Variants in IL31RA observed in about 807,000 individuals in gnomAD.
IL31RA encodes interleukin 31 receptor A, also known as interleukin-31 receptor subunit alpha.
Under a neutral mutation model 83.7 loss-of-function variants are expected in IL31RA, and 66 were observed. The observed-to-expected ratio is 0.79, with a 90% confidence interval of 0.65 to 0.97. The LOEUF is 0.97. Among genes scored for constraint, IL31RA ranks in the 50% least tolerant of loss-of-function variants. The pLI, the probability that IL31RA is intolerant of heterozygous loss-of-function variation, is 0.00. For synonymous variants in IL31RA, 325 were observed against 329.0 expected, an observed-to-expected ratio of 0.99 and a Z score of 0.13; for missense variants, 798 against 919.4, an observed-to-expected ratio of 0.87 and a Z score of 1.71.
chr5:55,908,842 C>T (rs1032926257), intron 11 of IL31RA: 40 of 1,358,754 alleles, frequency 2.9e-5, no homozygotes, highest in Non-Finnish European at 3.8e-5. Flanking sequence ...AAATACTGGG[C>T]AAGGCTTGGA....
At position 55,903,815 on chromosome 5, in the gene IL31RA, G is replaced by T. The variant is rs80125651; in HGVS notation, c.1070-2291G>T. On this transcript the variant is annotated intron_variant, in intron 8 of 14. Coordinates refer to ENST00000652347, the MANE Select transcript of IL31RA (RefSeq NM_139017.7). The surrounding 1 kb of genome is among the most constrained non-coding windows in gnomAD (Gnocchi z 4.7). Reference sequence around the variant, plus strand: ...GAGATGAAGGTGGGCTTTCAGGGCTGCCAAAACGAAGCACTGCAGACTGGG... The same window carrying T: ...GAGATGAAGGTGGGCTTTCAGGGCTTCCAAAACGAAGCACTGCAGACTGGG... Among the ~76,000 whole-genome samples, 7,719 of 152,286 alleles carry T rather than the reference G, an allele frequency of 0.051. 402 individuals are homozygous for T. The highest frequency in any genetic ancestry group is 0.13 in the African/African-American group (5,561 of 41,544).
chr5:55,922,415 T>G lies in IL31RA; in HGVS notation c.*5295T>G. On this transcript the variant is annotated 3_prime_UTR_variant, in exon 15 of 15. Transcript: ENST00000652347. ...TTTTAGGACTAGAATTCTGTCTTCC[T>G]GCCCAACTTCAATATAAGTGTGGAC... The G allele has an allele frequency of 6.4e-7, 1 of 1,550,914 alleles. No homozygotes were observed. The highest frequency in any genetic ancestry group is 8.7e-7 in the Non-Finnish European group (1 of 1,146,808).
chr5:55,898,189 G>A (rs1748547046), intron 7 of IL31RA, among the ~76,000 whole-genome samples: 1 of 152,110 alleles, frequency 6.6e-6, no homozygotes, highest in South Asian at 2.1e-4. Flanking sequence ...AACCTCACAC[G>A]CCCACATGTG....
At position 55,920,493 on chromosome 5, in the gene IL31RA, A is replaced by G. The variant is rs1292540365; in HGVS notation, c.*3373A>G. ...CGTAGTGTTGACAAAGTGTAATTGG[A>G]ACACAGCCATGCCCATCGTTGACCT... is the stretch of plus-strand genomic sequence containing the variant. On this transcript the variant is annotated 3_prime_UTR_variant, in exon 15 of 15. Transcript: ENST00000652347. Among the ~76,000 whole-genome samples, 1 of 152,266 alleles carries G rather than the reference A, an allele frequency of 6.6e-6. No homozygotes were observed. Among genetic ancestry groups the G allele is most frequent in the Non-Finnish European group, 1.5e-5 (1 of 68,048 alleles).
At chr5:55,912,424 T>C (rs1749549679) in intron 12 of IL31RA, among the ~76,000 whole-genome samples, 1 of 152,226 alleles carries the variant, frequency 6.6e-6, no homozygotes, top group African/African-American at 2.4e-5. Context: ...CTGGAATGCT[T>C]TTCTCCATGG....
chr5:55,874,692 T>A (rs1298253600), intron 4 of IL31RA, among the ~76,000 whole-genome samples: 1 of 152,174 alleles, frequency 6.6e-6, no homozygotes, highest in Non-Finnish European at 1.5e-5. Context: ...TTAGTGTATA[T>A]AAATACAATT....
At chr5:55,898,558 AAT>A (rs534830582) in intron 7 of IL31RA, among the ~76,000 whole-genome samples, 5 of 151,304 alleles carry the variant, frequency 3.3e-5, no homozygotes, top group African/African-American at 4.9e-5. Flanking sequence ...TTAAAATGTT[AAT>A]ATGTTATTTT....
At chr5:55,885,756 C>T (rs79145884) in intron 5 of IL31RA, among the ~76,000 whole-genome samples, 8,226 of 152,164 alleles carry the variant, frequency 0.054, 476 homozygotes, top group African/African-American at 0.15. Flanking sequence ...CCTTTCTAAG[C>T]CAGCTCTGGA....
rs772951493 is a variant in IL31RA at position 55,896,441 on chromosome 5, C to A, written c.852+12C>A. 2 of 1,593,132 alleles carry A rather than the reference C, an allele frequency of 1.3e-6. No individual in the cohort carries two copies. The highest frequency in any genetic ancestry group is 2.2e-5 in the South Asian group (2 of 90,596). ...GGTTGTTATGGAAGGTGACCTCCCT[C>A]TGGATTCTTTTTCTCTCTCTTTCTT... On this transcript the variant is annotated intron_variant, in intron 7 of 14. Transcript: ENST00000652347.
In IL31RA at chr5:55,910,606, G is replaced by A. The variant is rs566811386; in HGVS notation, c.1576G>A (p.Val526Ile). The change falls in exon 12 of 15, where the codon GTC becomes ATC. Residue 526 changes from valine (V) to isoleucine (I), a missense_variant. By Grantham distance (29) the Val-to-Ile change is conservative. Coordinates refer to ENST00000652347, the MANE Select transcript of IL31RA (RefSeq NM_139017.7). The part of the protein sequence containing the change: ...LKRKTSYIVQ[V>I]MASTSAGGTN... Reference sequence around the variant, plus strand: ...ACGAAAGACCTCTTACATTGTTCAGGTCATGGCCAGCACCAGTGCTGGGGG... The same window carrying A: ...ACGAAAGACCTCTTACATTGTTCAGATCATGGCCAGCACCAGTGCTGGGGG... 6.2e-7 allele frequency: 1 copy of A among 1,614,114 alleles called. No homozygotes were observed. The highest frequency in any genetic ancestry group is 8.5e-7 in the Non-Finnish European group (1 of 1,180,002).
the IL31RA span, among the ~76,000 whole-genome samples, chr5:55,844,143 A>G: frequency 3.3e-5 from 5 of 152,162 alleles, no homozygotes; most frequent in African/African-American, 7.2e-5. Flanking sequence ...ATTACATCCA[A>G]TGTCTCCTCA....
At chr5:55,916,283 G>T (rs62361955) in intron 14 of IL31RA, among the ~76,000 whole-genome samples, 1 of 152,050 alleles carries the variant, frequency 6.6e-6, no homozygotes, top group Non-Finnish European at 1.5e-5. Context: ...AGGAAGCTGA[G>T]GGGGAAGAAT....
chr5:55,860,592 G>A (rs1745616702), intron 2 of IL31RA, among the ~76,000 whole-genome samples: 1 of 152,076 alleles, frequency 6.6e-6, no homozygotes, highest in Admixed American at 6.5e-5. Context: ...AAAATAAGCA[G>A]TTTTCATACT....
At position 55,921,557 on chromosome 5, in the gene IL31RA, C is replaced by T. The variant is rs1210410971; in HGVS notation, c.*4437C>T. Among the ~76,000 whole-genome samples the T allele has an allele frequency of 6.6e-6, 1 of 152,182 alleles. No homozygotes were observed. The highest frequency in any genetic ancestry group is 1.5e-5 in the Non-Finnish European group (1 of 68,046). ...AGAATTTTATGGTTGTCACATTTTG[C>T]GTGACTGTGTCCCATCAAAGGTTAT... On this transcript the variant is annotated 3_prime_UTR_variant, in exon 15 of 15. Transcript: ENST00000652347.
chr5:55,863,862 C>T (rs1252673862), intron 2 of IL31RA, among the ~76,000 whole-genome samples: 1 of 152,150 alleles, frequency 6.6e-6, no homozygotes, highest in Admixed American at 6.5e-5. Context: ...CTTATGGCTT[C>T]TCATATATGT....
chr5:55,847,247 ATAAAT>A (rs1744953978), upstream of IL31RA, among the ~76,000 whole-genome samples: 5 of 43,806 alleles, frequency 1.1e-4, no homozygotes, highest in Admixed American at 5.8e-4. Flanking sequence ...AAAAATAAAA[ATAAAT>A]AAATAAATAA....
At position 55,867,213 on chromosome 5, in the gene IL31RA, ATGTGTGTTTGTGTGTGTGTTTGTG is replaced by A. The variant is rs1456195969; in HGVS notation, c.155-1561_155-1538del. ...TTTGTGTGTGTTTGTGTGTGTGCGC[ATGTGTGTTTGTGTGTGTGTTTGTG>A]TGTGTGTTTGTGTGTGCGTGTGTTT... On this transcript the variant is annotated intron_variant, in intron 2 of 14. Coordinates refer to ENST00000652347, the MANE Select transcript of IL31RA (RefSeq NM_139017.7). Among the ~76,000 whole-genome samples, 5 of 64,624 alleles carry A rather than the reference ATGTGTGTTTGTGTGTGTGTTTGTG, an allele frequency of 7.7e-5. 1 individual carries two copies. The highest frequency in any genetic ancestry group is 1.2e-4 in the African/African-American group (2 of 17,242). 42.4% of individuals were successfully genotyped at this position (64,624 alleles called of 152,430 possible). A position where few individuals can be genotyped will look rare whatever the true frequency, so the allele number is the denominator to read the frequency against.
rs998471198 is a variant in IL31RA, at chr5:55,919,466, T to C, written c.*2346T>C. 6.6e-6 allele frequency among the ~76,000 whole-genome samples: 1 copy of C among 152,184 alleles called. No homozygotes were observed. The highest frequency in any genetic ancestry group is 1.5e-5 in the Non-Finnish European group (1 of 68,026). On this transcript the variant is annotated 3_prime_UTR_variant, in exon 15 of 15. Transcript: ENST00000652347. The stretch of plus-strand genomic sequence containing the variant: ...GCTGGAAGCGTCTTTTGCTGGACAA[T>C]TTGCAAATCCCCACCCAGCCCTTCC...
Position 55,903,230 on chromosome 5 carries a change from G to A in IL31RA, c.1070-2876G>A, listed in dbSNP as rs964777534. On this transcript the variant is annotated intron_variant, in intron 8 of 14. Coordinates refer to ENST00000652347, the MANE Select transcript of IL31RA (RefSeq NM_139017.7). The surrounding 1 kb of genome is among the most constrained non-coding windows in gnomAD (Gnocchi z 4.7). ...GTCATAAGGCCAGAGGAGGAAGATGGGCCCAAGTTGGGGCAGAGCTCAGGA... is the reference window on the plus strand; with the variant it reads ...GTCATAAGGCCAGAGGAGGAAGATGAGCCCAAGTTGGGGCAGAGCTCAGGA... 2.0e-5 allele frequency among the ~76,000 whole-genome samples: 3 copies of A among 152,204 alleles called. No homozygotes were observed. The highest frequency in any genetic ancestry group is 4.4e-5 in the Non-Finnish European group (3 of 68,032).
Sources: gnomAD v4.1 joint callset for allele counts (sites outside exome capture counted in the v4.1 genomes callset) on GRCh38, gnomAD v4.1.1 for gene constraint, Gnocchi (gnomAD v3.1) non-coding constraint, MANE v1.5 for transcripts, NCBI Gene and HGNC (gene_info 2026-07-23, HGNC 2026-07-21) for gene names.